MREG: variants seen among roughly 807,000 people sequenced by gnomAD.
MREG encodes melanoregulin.
Under a neutral mutation model 28.5 loss-of-function variants are expected in MREG, and 31 were observed. The observed-to-expected ratio is 1.09, with a 90% CI of 0.82 to 1.47. The LOEUF (loss-of-function observed/expected upper bound fraction) is 1.47, where lower values mean the gene tolerates loss of function less well. Ranked by LOEUF, MREG falls within the 40% of genes most tolerant of loss-of-function variation. The pLI is 0.00. For missense variants in MREG, 256 were observed against 257.4 expected (o/e 0.99, Z 0.04); for synonymous variants, 106 against 95.2 (o/e 1.11, Z -0.66).
chr2:216,010,377 A>C (rs867502056), intron 1 of MREG, among the ~76,000 whole-genome samples: 508 of 13,136 alleles, frequency 0.039, 7 homozygotes, highest in African/African-American at 0.12. Flanking sequence ...TTTTTTTTTG[A>C]GACGGAGTCT....
intron 1 of MREG, among the ~76,000 whole-genome samples, chr2:216,003,084 T>C (rs1432174855): frequency 1.3e-5 from 2 of 152,076 alleles, no homozygotes; most frequent in African/African-American, 4.8e-5. Flanking sequence ...TTCTTATGTT[T>C]TTAATTTATT....
intron 2 of MREG, among the ~76,000 whole-genome samples, chr2:215,982,429 T>G (rs542201583): frequency 4.6e-5 from 7 of 152,044 alleles, no homozygotes; most frequent in Middle Eastern, 3.4e-3. Context: ...AGAACGGGGA[T>G]GAGCAAAGAA....
chr2:216,024,753 C>T (rs753267539), intron 1 of MREG, among the ~76,000 whole-genome samples: 5 of 151,700 alleles, frequency 3.3e-5, no homozygotes, highest in Admixed American at 1.3e-4. Context: ...CATGGTGGCT[C>T]ACCCCTGTAA....
Position 216,013,405 on chromosome 2 carries a change from C to G in MREG, c.-78G>C. On this transcript the variant is annotated 5_prime_UTR_variant, in exon 1 of 5. Coordinates refer to ENST00000263268, the MANE Select transcript of MREG (RefSeq NM_018000.3). Reference sequence around the variant, plus strand: ...CGAGCGATCGAGGCTGGGGCGCGGCCACCGCGCCAGCGTCCAGGTGCGGGG... The same window carrying G: ...CGAGCGATCGAGGCTGGGGCGCGGCGACCGCGCCAGCGTCCAGGTGCGGGG... 3 of 1,082,576 alleles carry G rather than the reference C, an allele frequency of 2.8e-6. No individual in the cohort carries two copies. The highest frequency in any genetic ancestry group is 3.6e-6 in the Non-Finnish European group (3 of 827,820). 67.1% of individuals were successfully genotyped at this position (1,082,576 alleles called of 1,614,324 possible).
At chr2:216,003,417 C>G (rs1028358880) in intron 1 of MREG, among the ~76,000 whole-genome samples, 7 of 152,212 alleles carry the variant, frequency 4.6e-5, no homozygotes, top group African/African-American at 1.7e-4. Flanking sequence ...GAAGCCAGCA[C>G]TGTTGTGTCA....
intron 1 of MREG, among the ~76,000 whole-genome samples, chr2:216,005,407 T>TG (rs34089302): frequency 0.61 from 91,510 of 149,596 alleles, 29,050 homozygotes; most frequent in African/African-American, 0.76. Flanking sequence ...TCTCTTGCCA[T>TG]GGAGGTGGTT....
chr2:215,944,767 T>G lies in MREG; in HGVS notation c.*96A>C. On this transcript the variant is annotated 3_prime_UTR_variant, in exon 5 of 5. Coordinates refer to ENST00000263268, the MANE Select transcript of MREG (RefSeq NM_018000.3). ...CAGTATCATTTTTCACTAAGCAAAC[T>G]CTATTTGCTCACTCTCTTCTACATG... is the stretch of plus-strand genomic sequence containing the variant. 8.0e-7 allele frequency: 1 copy of G among 1,250,678 alleles called. No homozygotes were observed. The highest frequency in any genetic ancestry group is 1.1e-6 in the Non-Finnish European group (1 of 920,646). The allele number at this position is 1,250,678 out of a possible 1,614,324, so 77.5% of individuals were successfully genotyped here.
chr2:215,984,181 T>A (rs1314371820), intron 2 of MREG, among the ~76,000 whole-genome samples: 1 of 152,120 alleles, frequency 6.6e-6, no homozygotes. Context: ...CTCCTCTTTT[T>A]AAAAACCATC....
intron 2 of MREG, among the ~76,000 whole-genome samples, chr2:215,965,827 T>C (rs1164847017): frequency 6.6e-6 from 1 of 152,240 alleles, no homozygotes; most frequent in East Asian, 1.9e-4. Context: ...AAGAGATGAA[T>C]GATCCCAGGA....
intron 1 of MREG, among the ~76,000 whole-genome samples, chr2:216,005,860 A>C (rs1694140866): frequency 6.8e-6 from 1 of 146,764 alleles, no homozygotes; most frequent in Non-Finnish European, 1.5e-5. Context: ...AAAAAAAAAA[A>C]AGCTAAGTAA....
intron 2 of MREG, among the ~76,000 whole-genome samples, chr2:215,994,043 C>T (rs1319113757): frequency 6.6e-6 from 1 of 151,748 alleles, no homozygotes; most frequent in Non-Finnish European, 1.5e-5. Flanking sequence ...ACCATTTGAC[C>T]CAGCAATCCC....
At chr2:215,962,261 A>C (rs2042999) in intron 2 of MREG, among the ~76,000 whole-genome samples, 1 of 152,158 alleles carries the variant, frequency 6.6e-6, no homozygotes, top group African/African-American at 2.4e-5. Flanking sequence ...TGCCCAAGTA[A>C]GTCTGCAAAG....
intron 2 of MREG, among the ~76,000 whole-genome samples, chr2:215,961,920 C>G (rs972465897): frequency 1.3e-5 from 2 of 152,162 alleles, no homozygotes; most frequent in Non-Finnish European, 2.9e-5. Flanking sequence ...CAGTTCATCT[C>G]TATATACCAT....
At chr2:215,955,522 A>T (rs1032344930) in intron 2 of MREG, among the ~76,000 whole-genome samples, 13 of 152,206 alleles carry the variant, frequency 8.5e-5, no homozygotes, top group Non-Finnish European at 1.8e-4. Context: ...AATACATCTA[A>T]ATCACAGACT....
chr2:215,947,238 AAGAAG>A (rs1426540370), intron 2 of MREG, 125 bp from the exon 3 acceptor site: 1 of 627,002 alleles, frequency 1.6e-6, no homozygotes, highest in African/African-American at 1.8e-5. Context: ...GCAAGCCTAA[AAGAAG>A]AGAAGGAGAT....
chr2:215,967,200 C>T (rs1692965908), intron 2 of MREG, among the ~76,000 whole-genome samples: 1 of 152,208 alleles, frequency 6.6e-6, no homozygotes, highest in South Asian at 2.1e-4. Flanking sequence ...ATGAATTCTG[C>T]AGCCATTCCC....
chr2:216,023,484 G>T (rs1463753969), intron 1 of MREG, among the ~76,000 whole-genome samples: 1 of 152,070 alleles, frequency 6.6e-6, no homozygotes, highest in East Asian at 1.9e-4. Flanking sequence ...TCTTTTCTTG[G>T]CTACCATGTG....
At chr2:215,942,271 A>T (rs1023023794), downstream of MREG, among the ~76,000 whole-genome samples, 1 of 152,176 alleles carries the variant, frequency 6.6e-6, no homozygotes, top group African/African-American at 2.4e-5. Flanking sequence ...ATAAAAAAAA[A>T]TGAAAAAGGA....
rs1420688467 is a variant in MREG at position 215,945,741 on chromosome 2, T to C, written c.347-7A>G. On this transcript the variant is annotated splice_polypyrimidine_tract_variant and splice_region_variant and intron_variant, in intron 3 of 4. Coordinates refer to ENST00000263268, the MANE Select transcript of MREG (RefSeq NM_018000.3). ...TCAGCTTCCTTTTGAAAACCTAAGG[T>C]AGAAAAATGGACCACTCATGTAAAG... The C allele has an allele frequency of 7.4e-6, 12 of 1,611,376 alleles. No homozygotes were observed. The highest frequency in any genetic ancestry group is 1.0e-5 in the Non-Finnish European group (12 of 1,178,788).
Sources: allele counts gnomAD v4.1 joint callset (sites outside exome capture counted in the v4.1 genomes callset), GRCh38; gene constraint gnomAD v4.1.1; transcripts MANE v1.5; gene names NCBI Gene and HGNC (gene_info 2026-07-23, HGNC 2026-07-21).